RTP1: variants seen among roughly 807,000 people sequenced by gnomAD.
RTP1 encodes receptor transporter protein 1.
A neutral mutation model predicts 27.1 loss-of-function variants in RTP1; 24 were observed. The observed-to-expected ratio is 0.89, with a 90% CI of 0.64 to 1.25. The LOEUF (loss-of-function observed/expected upper bound fraction) is 1.25. Ranked by LOEUF, RTP1 falls within the 50% of genes most tolerant of loss-of-function variation. RTP1 has a pLI of 0.00. For missense variants in RTP1, 338 were observed against 351.6 expected (o/e 0.96, Z 0.31); for synonymous variants, 148 against 148.1 (o/e 1.00, Z 0.00).
At chr3:187,199,351 T>C in intron 1 of RTP1, 200 bp from the exon 2 acceptor site, 2 of 561,866 alleles carry the variant, frequency 3.6e-6, no homozygotes, top group Non-Finnish European at 3.1e-6. Flanking sequence ...GGTGACATCC[T>C]GAGGAACCTG....
In RTP1 at chr3:187,200,209, TAC is replaced by T. The variant is rs1293058053; in HGVS notation, c.*141_*142del. ...CTCAGTGGGGATCTTGGACAAATTA[TAC>T]AGTTTTTCCATCTATAAAACTCAGG... On this transcript the variant is annotated 3_prime_UTR_variant, in exon 2 of 2. Transcript: ENST00000312295. 9.9e-6 allele frequency: 7 copies of T among 704,594 alleles called. No homozygotes were observed. The highest frequency in any genetic ancestry group is 1.3e-5 in the Non-Finnish European group (6 of 479,982). 43.6% of individuals were successfully genotyped at this position (704,594 alleles called of 1,614,324 possible).
At chr3:187,197,977 C>T in intron 1 of RTP1, 190 bp downstream of exon 1, 1 of 590,580 alleles carries the variant, frequency 1.7e-6, no homozygotes, top group Non-Finnish European at 3.0e-6. Context: ...TGGATTTCAG[C>T]TCTTCTACTG....
chr3:187,200,939 A>G lies in RTP1; in HGVS notation c.*869A>G, dbSNP rs1721708397. ...AAGCACAAAATCTCTGGGAGGCATTATAATGGAGGGTCTTCAGAGTTCGGG... is the reference window on the plus strand; with the variant it reads ...AAGCACAAAATCTCTGGGAGGCATTGTAATGGAGGGTCTTCAGAGTTCGGG... On this transcript the variant is annotated 3_prime_UTR_variant, in exon 2 of 2. Transcript: ENST00000312295. 6.6e-6 allele frequency: 1 copy of G among 152,266 alleles called. No homozygotes were observed. Among genetic ancestry groups the G allele is most frequent in the African/African-American group, 2.4e-5 (1 of 41,456 alleles). The allele number at this position is 152,266 out of a possible 1,614,324, so 9.4% of individuals were successfully genotyped here.
chr3:187,200,159 C>T lies in RTP1; in HGVS notation c.*89C>T. 5 of 1,160,730 alleles carry T rather than the reference C, an allele frequency of 4.3e-6. No homozygotes were observed. Among genetic ancestry groups the T allele is most frequent in the Non-Finnish European group, 5.9e-6 (5 of 851,908 alleles). 71.9% of individuals were successfully genotyped at this position (1,160,730 alleles called of 1,614,324 possible). On this transcript the variant is annotated 3_prime_UTR_variant, in exon 2 of 2. Coordinates refer to ENST00000312295, the MANE Select transcript of RTP1 (RefSeq NM_153708.3). ...AGACGTGGGTTGAGAATAGTGTAAA[C>T]TTCTAGCGCTGGTGATGTCACTGAC... is the stretch of plus-strand genomic sequence containing the variant.
In RTP1 at chr3:187,200,357, A is replaced by G. The variant is rs1232436237; in HGVS notation, c.*287A>G. ...AGCTAGTGGGTGTCTCCAACTCCTG[A>G]TCTAAACACCCATCCTCCAACTCCT... On this transcript the variant is annotated 3_prime_UTR_variant, in exon 2 of 2. Coordinates refer to ENST00000312295, the MANE Select transcript of RTP1 (RefSeq NM_153708.3). 3.6e-6 allele frequency: 1 copy of G among 278,852 alleles called. No homozygotes were observed. Among genetic ancestry groups the G allele is most frequent in the African/African-American group, 2.3e-5 (1 of 43,562 alleles). The allele number at this position is 278,852 out of a possible 1,614,324, so 17.3% of individuals were successfully genotyped here.
At chr3:187,197,920 T>C in intron 1 of RTP1, 133 bp downstream of exon 1, 1 of 880,140 alleles carries the variant, frequency 1.1e-6, no homozygotes, top group South Asian at 1.8e-5. Flanking sequence ...TGGCGTAGAC[T>C]GGAAGTCAGA....
chr3:187,197,523 T>C lies in RTP1; in HGVS notation c.8T>C (p.Ile3Thr), dbSNP rs377103588. Reference sequence around the variant, plus strand: ...TTCCTCCTGGTCTTGTCGATGAGGATTTTTAGACCGTGGAGACTGCGCTGC... The same window carrying C: ...TTCCTCCTGGTCTTGTCGATGAGGACTTTTAGACCGTGGAGACTGCGCTGC... Reference protein sequence around the residue: MRIFRPWRLRCPA... With the variant: MRTFRPWRLRCPA... The change falls in exon 1 of 2, where the codon ATT becomes ACT. Residue 3 changes from isoleucine to threonine, a missense_variant. Coordinates refer to ENST00000312295, the MANE Select transcript of RTP1 (RefSeq NM_153708.3). 1.9e-6 allele frequency: 3 copies of C among 1,613,364 alleles called. No individual in the cohort carries two copies. Among genetic ancestry groups the C allele is most frequent in the Non-Finnish European group, 2.5e-6 (3 of 1,179,438 alleles).
rs1259195027 is a variant in RTP1 at position 187,199,805 on chromosome 3, A to G, written c.527A>G (p.His176Arg). 3 of 1,609,922 alleles carry G rather than the reference A, an allele frequency of 1.9e-6. No homozygotes were observed. Among genetic ancestry groups the G allele is most frequent in the Admixed American group, 1.7e-5 (1 of 59,920 alleles). Residue 176 changes from histidine to arginine, a missense_variant, in exon 2 of 2, where the codon CAC (histidine) becomes CGC (arginine). Physicochemically the swap from His to Arg is conservative, Grantham distance 29. This residue lies in a region of RTP1 where 252 missense variants were observed against 231.5 expected (regional missense o/e 1.09). Transcript: ENST00000312295. ...YGERGGQYRI[H>R]VASRQDNRRH... ...GAGCGTGGCGGCCAGTACCGCATCC[A>G]CGTGGCCAGCCGCCAGGACAACCGG...
At chr3:187,198,676 T>A (rs1721646755) in intron 1 of RTP1, 1 of 152,232 alleles carries the variant, frequency 6.6e-6, no homozygotes. Flanking sequence ...TGCCTCTAGC[T>A]GTGTGTACAT....
In RTP1 at chr3:187,198,312, C is replaced by A. The variant is rs1246831337; in HGVS notation, c.272+525C>A. On this transcript the variant is annotated intron_variant, in intron 1 of 1. Transcript: ENST00000312295. ...AACTCGATTTTCTTCTTGGACCTGG[C>A]TTTCTCCTTTTGCACAGTGAGAGGT... 2.6e-5 allele frequency among the ~76,000 whole-genome samples: 4 copies of A among 152,322 alleles called. 1 individual carries two copies. Among genetic ancestry groups the A allele is most frequent in the Non-Finnish European group, 4.4e-5 (3 of 68,034 alleles).
At chr3:187,199,448 C>G in intron 1 of RTP1, 103 bp from the exon 2 acceptor site, 1 of 1,325,734 alleles carries the variant, frequency 7.5e-7, no homozygotes, top group Non-Finnish European at 1.0e-6. Flanking sequence ...CTTCCTCCAC[C>G]TCCAGGCTCT....
chr3:187,198,497 T>G (rs1024784703), intron 1 of RTP1: 1 of 152,256 alleles, frequency 6.6e-6, no homozygotes, highest in South Asian at 2.1e-4. Context: ...CTAGCACTCT[T>G]GTTCATGGGT....
In RTP1 at chr3:187,199,647, G is replaced by A. The variant is rs1721668847; in HGVS notation, c.369G>A (p.Val123=). 3 of 1,609,596 alleles carry A rather than the reference G, an allele frequency of 1.9e-6. No homozygotes were observed. The highest frequency in any genetic ancestry group is 2.6e-6 in the Non-Finnish European group (3 of 1,176,462). Residue 123 remains valine, a synonymous_variant, in exon 2 of 2, where the codon GTG becomes GTA. Coordinates refer to ENST00000312295, the MANE Select transcript of RTP1 (RefSeq NM_153708.3). The stretch of plus-strand genomic sequence containing the variant: ...ACCGCGCCCAGCGGGCGGGCTCGGT[G>A]CGCATGCGCGTCTTCAAGCAGCTGT... ...FLDRAQRAGS[V]RMRVFKQLCY...
In RTP1 at chr3:187,200,450, CAAA is replaced by C. The variant is rs9331294; in HGVS notation, c.*397_*399del. 0.015 allele frequency: 1,710 copies of C among 116,238 alleles called. 9 individuals are homozygous for C. The highest frequency in any genetic ancestry group is 0.019 in the East Asian group (87 of 4,628). The allele number at this position is 116,238 out of a possible 1,614,324, so 7.2% of individuals were successfully genotyped here. A position where few individuals can be genotyped will look rare whatever the true frequency, so the allele number is the denominator to read the frequency against. The stretch of plus-strand genomic sequence containing the variant: ...AGGGTTCCATTTAAGATTTTTGTAC[CAAA>C]AAAAAAAAAAAAAAAAGTTTAACTA... On this transcript the variant is annotated 3_prime_UTR_variant, in exon 2 of 2. Transcript: ENST00000312295.
At position 187,199,699 on chromosome 3, in the gene RTP1, G is replaced by T; in HGVS notation, c.421G>T (p.Asp141Tyr). 6.2e-7 allele frequency: 1 copy of T among 1,612,862 alleles called. No homozygotes were observed. Among genetic ancestry groups the T allele is most frequent in the Non-Finnish European group, 8.5e-7 (1 of 1,179,082 alleles). Residue 141 changes from aspartate to tyrosine, a missense_variant, in exon 2 of 2, where the codon GAC (aspartate) becomes TAC (tyrosine). This residue lies in a region of RTP1 where 252 missense variants were observed against 231.5 expected (regional missense o/e 1.09). Coordinates refer to ENST00000312295, the MANE Select transcript of RTP1 (RefSeq NM_153708.3). ...LCYECGTARL[D>Y]ESSMLEENIE... is the part of the protein sequence containing the mutation. Reference sequence around the variant, plus strand: ...CTATGAGTGCGGCACGGCGCGGCTGGACGAGTCCAGCATGCTGGAGGAGAA... The same window carrying T: ...CTATGAGTGCGGCACGGCGCGGCTGTACGAGTCCAGCATGCTGGAGGAGAA...
In RTP1 at chr3:187,199,878, C is replaced by T. The variant is rs1376869920; in HGVS notation, c.600C>T (p.His200=). Residue 200 remains histidine (H), a synonymous_variant, in exon 2 of 2, where the codon CAC becomes CAT. Coordinates refer to ENST00000312295, the MANE Select transcript of RTP1 (RefSeq NM_153708.3). ...AGGCCTGCCAGGAGGGCATCGTGCACTGGAAGCCCAGCGAGAAGCTGCTGG... is the reference window on the plus strand; with the variant it reads ...AGGCCTGCCAGGAGGGCATCGTGCATTGGAAGCCCAGCGAGAAGCTGCTGG... ...FCEACQEGIV[H]WKPSEKLLEE... 2 of 1,595,696 alleles carry T rather than the reference C, an allele frequency of 1.3e-6. No individual in the cohort carries two copies. Among genetic ancestry groups the T allele is most frequent in the African/African-American group, 2.7e-5 (2 of 74,702 alleles).
intron 1 of RTP1, chr3:187,198,023 T>C: frequency 3.9e-6 from 2 of 511,776 alleles, no homozygotes; most frequent in South Asian, 6.3e-5. Flanking sequence ...GAGTCACAAT[T>C]TTTCCGTCTG....
chr3:187,199,927 T>G lies in RTP1; in HGVS notation c.649T>G (p.Phe217Val), dbSNP rs1197196458. 1 of 1,596,078 alleles carries G rather than the reference T, an allele frequency of 6.3e-7. No homozygotes were observed. Among genetic ancestry groups the G allele is most frequent in the African/African-American group, 1.3e-5 (1 of 74,606 alleles). ...GGAGGAGGAGGCGACCACCTACACC[T>G]TCTCCCGGGCGCCCAGCCCCACCAA... ...LLEEEATTYT[F>V]SRAPSPTKSQ... The change falls in exon 2 of 2, where the codon TTC becomes GTC. Residue 217 changes from phenylalanine (F) to valine (V), a missense_variant. Physicochemically the swap from Phe to Val is conservative, Grantham distance 50. This residue lies in a region of RTP1 where 252 missense variants were observed against 231.5 expected (regional missense o/e 1.09). Transcript: ENST00000312295.
At position 187,199,992 on chromosome 3, in the gene RTP1, T is replaced by C; in HGVS notation, c.714T>C (p.Ser238=). 1.3e-6 allele frequency: 2 copies of C among 1,559,718 alleles called. No homozygotes were observed. The highest frequency in any genetic ancestry group is 2.3e-5 in the East Asian group (1 of 44,312). The stretch of plus-strand genomic sequence containing the variant: ...CGGGCTCAGGCTGGAACTTCTGCTC[T>C]ATCCCCTGGTGCTTGTTTTGGGCCA... ...DQTGSGWNFC[S]IPWCLFWATV... The change falls in exon 2 of 2, where the codon TCT becomes TCC. Residue 238 remains serine (S), a synonymous_variant. Coordinates refer to ENST00000312295, the MANE Select transcript of RTP1 (RefSeq NM_153708.3).
Sources: allele counts gnomAD v4.1 joint callset (sites outside exome capture counted in the v4.1 genomes callset), GRCh38; gene constraint gnomAD v4.1.1; regional missense constraint gnomAD v4.1.1; transcripts MANE v1.5; gene names NCBI Gene and HGNC (gene_info 2026-07-23, HGNC 2026-07-21).